The following OR13G1 variants were observed in gnomAD, a reference collection of about 807,000 sequenced individuals.
OR13G1 encodes olfactory receptor family 13 subfamily G member 1, also known as olfactory receptor 13G1.
For missense variants in OR13G1, 369 were observed against 385.7 expected, an observed-to-expected ratio of 0.96 and a Z score of 0.36; for synonymous variants, 128 against 136.2, an observed-to-expected ratio of 0.94 and a Z score of 0.42.
rs140070115 is a variant in OR13G1, at chr1:247,672,613, G to A, written c.429C>T (p.Ser143=). 1.9e-4 allele frequency: 301 copies of A among 1,613,926 alleles called. No individual in the cohort carries two copies. The highest frequency in any genetic ancestry group is 2.4e-4 in the Non-Finnish European group (284 of 1,179,964). Residue 143 remains serine, a synonymous_variant, in exon 2 of 2, where the codon AGC becomes AGT. Transcript: ENST00000642119. ...MNHHMCVALL[S]MVMAIAVTNS... ...TGGTGACTGCAATAGCCATGACCAT[G>A]CTGAGCAAGGCTACACACATATGGT...
In OR13G1 at chr1:247,679,641, G is replaced by A. The variant is rs1171731844; in HGVS notation, c.-240C>T. On this transcript the variant is annotated splice_region_variant and 5_prime_UTR_variant, in exon 1 of 2. Transcript: ENST00000642119. ...GACAGTCTGCCCACAAATACTCACT[G>A]TAGTTTTTTGCAGAGTATTGTCATG... 2 of 152,104 alleles carry A rather than the reference G, an allele frequency of 1.3e-5. No homozygotes were observed. Among genetic ancestry groups the A allele is most frequent in the African/African-American group, 4.8e-5 (2 of 41,414 alleles). The allele number at this position is 152,104 out of a possible 1,614,324, so 9.4% of individuals were successfully genotyped here.
At position 247,671,782 on chromosome 1, in the gene OR13G1, T is replaced by A; in HGVS notation, c.*336A>T. The stretch of plus-strand genomic sequence containing the variant: ...TAAATGGCACAAAATACACAAAATG[T>A]TTTGTGATATTTGCATGTATGATGT... On this transcript the variant is annotated 3_prime_UTR_variant, in exon 2 of 2. Transcript: ENST00000642119. 4.5e-6 allele frequency: 1 copy of A among 223,348 alleles called. No homozygotes were observed. 13.8% of individuals were successfully genotyped at this position (223,348 alleles called of 1,614,324 possible).
rs1659193295 is a variant in OR13G1, at chr1:247,671,138, G to A, written c.*980C>T. ...CTATGTTACATCCAAATTTTTTCAGGGGTGCCAAGTGCCTAATTTTAGAAT... is the reference window on the plus strand; with the variant it reads ...CTATGTTACATCCAAATTTTTTCAGAGGTGCCAAGTGCCTAATTTTAGAAT... On this transcript the variant is annotated 3_prime_UTR_variant, in exon 2 of 2. Coordinates refer to ENST00000642119, the MANE Select transcript of OR13G1 (RefSeq NM_001005487.2). 6.6e-6 allele frequency: 1 copy of A among 152,012 alleles called. No individual in the cohort carries two copies. The highest frequency in any genetic ancestry group is 2.4e-5 in the African/African-American group (1 of 41,380). The allele number at this position is 152,012 out of a possible 1,614,324, so 9.4% of individuals were successfully genotyped here.
chr1:247,672,186 C>T lies in OR13G1; in HGVS notation c.856G>A (p.Val286Met). ...ATCTCCCTATTCTGGAAGCTGTACA[C>T]CATCGGGTTTAATGTGGGAGTCACA... ...TLVTPTLNPM[V>M]YSFQNREMQA... The change falls in exon 2 of 2, where the codon GTG becomes ATG. Residue 286 changes from valine (V) to methionine (M), a missense_variant. Coordinates refer to ENST00000642119, the MANE Select transcript of OR13G1 (RefSeq NM_001005487.2). 1.2e-6 allele frequency: 2 copies of T among 1,614,076 alleles called. No homozygotes were observed. Among genetic ancestry groups the T allele is most frequent in the Non-Finnish European group, 1.7e-6 (2 of 1,179,990 alleles).
intron 1 of OR13G1, among the ~76,000 whole-genome samples, chr1:247,674,102 G>C (rs1659272250): frequency 6.6e-6 from 1 of 152,130 alleles, no homozygotes; most frequent in African/African-American, 2.4e-5. Flanking sequence ...TCAAACTCCT[G>C]ACCTCAAGAG....
In OR13G1 at chr1:247,671,454, A is replaced by ACTGC. The variant is rs1220751231; in HGVS notation, c.*660_*663dup. 3 of 152,518 alleles carry ACTGC rather than the reference A, an allele frequency of 2.0e-5. No homozygotes were observed. Among genetic ancestry groups the ACTGC allele is most frequent in the African/African-American group, 4.8e-5 (2 of 41,426 alleles). The allele number at this position is 152,518 out of a possible 1,614,324, so 9.4% of individuals were successfully genotyped here. ...CATTGAACCGCCATACACACTATTG[A>ACTGC]CTGCCTGCCTAATGTCAGACTAATG... On this transcript the variant is annotated 3_prime_UTR_variant, in exon 2 of 2. Coordinates refer to ENST00000642119, the MANE Select transcript of OR13G1 (RefSeq NM_001005487.2).
At chr1:247,675,829 T>TATCCAGAAGAAGAGGGCCTGCCTGC (rs1659335119) in intron 1 of OR13G1, among the ~76,000 whole-genome samples, 1 of 152,170 alleles carries the variant, frequency 6.6e-6, no homozygotes, top group Admixed American at 6.5e-5. Flanking sequence ...AAAGCCACAG[T>TATCCAGAAGAAGAGGGCCTGCCTGC]ATCCAGAAGA....
Position 247,672,713 on chromosome 1 carries a change from A to C in OR13G1, c.329T>G (p.Val110Gly). The C allele has an allele frequency of 6.2e-7, 1 of 1,613,992 alleles. No individual in the cohort carries two copies. The highest frequency in any genetic ancestry group is 8.5e-7 in the Non-Finnish European group (1 of 1,179,940). ...GTCATAGGCCATGGTGGTGAAGAGA[A>C]CCATCTCAGCTCCCAGAGACCATGT... ...LFTWSLGAEM[V>G]LFTTMAYDRY... Residue 110 changes from valine to glycine, a missense_variant, in exon 2 of 2, where the codon GTT (valine) becomes GGT (glycine). Val to Gly is a moderately radical substitution (Grantham distance 109, BLOSUM62 -3). Coordinates refer to ENST00000642119, the MANE Select transcript of OR13G1 (RefSeq NM_001005487.2).
intron 1 of OR13G1, among the ~76,000 whole-genome samples, chr1:247,679,408 T>C (rs1659419508): frequency 6.6e-6 from 1 of 152,072 alleles, no homozygotes; most frequent in Non-Finnish European, 1.5e-5. Flanking sequence ...GCAATATAAA[T>C]ACTTGCATCA....
Position 247,673,174 on chromosome 1 carries a change from T to G in OR13G1, c.-133A>C. 3 of 671,342 alleles carry G rather than the reference T, an allele frequency of 4.5e-6. No individual in the cohort carries two copies. Among genetic ancestry groups the G allele is most frequent in the Non-Finnish European group, 5.0e-6 (2 of 398,236 alleles). The allele number at this position is 671,342 out of a possible 1,614,324, so 41.6% of individuals were successfully genotyped here. A position where few individuals can be genotyped will look rare whatever the true frequency, so the allele number is the denominator to read the frequency against. On this transcript the variant is annotated 5_prime_UTR_variant, in exon 2 of 2. Coordinates refer to ENST00000642119, the MANE Select transcript of OR13G1 (RefSeq NM_001005487.2). ...CTTAATTCTTGATTGGACACAACTT[T>G]GCAGCAGGAATTCCCATTTGATGGA...
chr1:247,672,265 A>G lies in OR13G1; in HGVS notation c.777T>C (p.Pro259=). The G allele has an allele frequency of 1.2e-6, 2 of 1,614,150 alleles. No homozygotes were observed. Among genetic ancestry groups the G allele is most frequent in the South Asian group, 1.1e-5 (1 of 91,080 alleles). Residue 259 remains proline (P), a synonymous_variant, in exon 2 of 2, where the codon CCT becomes CCC. Coordinates refer to ENST00000642119, the MANE Select transcript of OR13G1 (RefSeq NM_001005487.2). ...YSPVIYTYIR[P]ASSYTFERDK... is the part of the protein sequence containing the mutation. ...CTCTTTCAAATGTATAGCTGGAAGCAGGGCGGATATAGGTGTAGATTACAG... is the reference window on the plus strand; with the variant it reads ...CTCTTTCAAATGTATAGCTGGAAGCGGGGCGGATATAGGTGTAGATTACAG...
In OR13G1 at chr1:247,672,088, G is replaced by C. The variant is rs760427318; in HGVS notation, c.*30C>G. On this transcript the variant is annotated 3_prime_UTR_variant, in exon 2 of 2. Coordinates refer to ENST00000642119, the MANE Select transcript of OR13G1 (RefSeq NM_001005487.2). ...AGATGCTCTAGAAGATGGTTCTGGAGTACAGAAGTGATGTTGCATGTTGAA... is the reference window on the plus strand; with the variant it reads ...AGATGCTCTAGAAGATGGTTCTGGACTACAGAAGTGATGTTGCATGTTGAA... The C allele has an allele frequency of 6.4e-7, 1 of 1,560,860 alleles. No homozygotes were observed. The highest frequency in any genetic ancestry group is 1.7e-5 in the Admixed American group (1 of 58,558).
chr1:247,675,026 G>T (rs1659315124), intron 1 of OR13G1, among the ~76,000 whole-genome samples: 1 of 152,132 alleles, frequency 6.6e-6, no homozygotes, highest in African/African-American at 2.4e-5. Context: ...GATCTGAACT[G>T]AAGTGATATT....
chr1:247,672,143 T>A lies in OR13G1; in HGVS notation c.899A>T (p.Lys300Met). 6.2e-7 allele frequency: 1 copy of A among 1,613,728 alleles called. No homozygotes were observed. The highest frequency in any genetic ancestry group is 8.5e-7 in the Non-Finnish European group (1 of 1,179,814). The change falls in exon 2 of 2, where the codon AAG becomes ATG. Residue 300 changes from lysine to methionine, a missense_variant. Physicochemically the swap from Lys to Met is moderately conservative, Grantham distance 95. Coordinates refer to ENST00000642119, the MANE Select transcript of OR13G1 (RefSeq NM_001005487.2). ...CTAGTGTTTCAGAAATGCAAACACC[T>A]TCCTAATTCCTGCCTGCATCTCCCT... ...QNREMQAGIR[K>M]VFAFLKH
In OR13G1 at chr1:247,672,659, T is replaced by A; in HGVS notation, c.383A>T (p.His128Leu). 1 of 1,613,950 alleles carries A rather than the reference T, an allele frequency of 6.2e-7. No individual in the cohort carries two copies. Among genetic ancestry groups the A allele is most frequent in the Non-Finnish European group, 8.5e-7 (1 of 1,179,962 alleles). Reference sequence around the variant, plus strand: ...ATGGTGGTTCATAATAGTACTGTAATGAAGAGGGAAACAAATGGCCACATA... The same window carrying A: ...ATGGTGGTTCATAATAGTACTGTAAAGAAGAGGGAAACAAATGGCCACATA... ...DRYVAICFPL[H>L]YSTIMNHHMC... The change falls in exon 2 of 2, where the codon CAT (histidine) becomes CTT (leucine). Residue 128 changes from histidine (H) to leucine (L), a missense_variant. By Grantham distance (99) the His-to-Leu change is moderately conservative. Transcript: ENST00000642119.
At chr1:247,676,764 A>T (rs1174772250) in intron 1 of OR13G1, among the ~76,000 whole-genome samples, 1 of 152,170 alleles carries the variant, frequency 6.6e-6, no homozygotes, top group East Asian at 1.9e-4. Context: ...AGCACCCGTG[A>T]TTTTTATTGC....
At position 247,672,153 on chromosome 1, in the gene OR13G1, C is replaced by G. The variant is rs753675664; in HGVS notation, c.889G>C (p.Gly297Arg). ...AGAAATGCAAACACCTTCCTAATTC[C>G]TGCCTGCATCTCCCTATTCTGGAAG... ...YSFQNREMQAGIRKVFAFLKH is the reference protein window; with the variant it reads ...YSFQNREMQARIRKVFAFLKH Residue 297 changes from glycine (G) to arginine (R), a missense_variant, in exon 2 of 2, where the codon GGA (glycine) becomes CGA (arginine). Transcript: ENST00000642119. The G allele has an allele frequency of 6.2e-7, 1 of 1,613,704 alleles. No individual in the cohort carries two copies. Among genetic ancestry groups the G allele is most frequent in the African/African-American group, 1.3e-5 (1 of 74,890 alleles).
intron 1 of OR13G1, among the ~76,000 whole-genome samples, chr1:247,675,889 A>T (rs1431242519): frequency 2.0e-5 from 3 of 152,106 alleles, no homozygotes; most frequent in African/African-American, 7.2e-5. Flanking sequence ...AGAAATAGAA[A>T]GTCTATTTCT....
chr1:247,673,132 G>A lies in OR13G1; in HGVS notation c.-91C>T, dbSNP rs1454497368. 5.1e-6 allele frequency: 5 copies of A among 984,896 alleles called. No individual in the cohort carries two copies. In the East Asian group the frequency reaches 9.7e-5, roughly 19 times the overall value. 61.0% of individuals were successfully genotyped at this position (984,896 alleles called of 1,614,324 possible). A position where few individuals can be genotyped will look rare whatever the true frequency, so the allele number is the denominator to read the frequency against. ...GTGTTGTTAGGAGATAACATGAGGAGTGTGTGTACTTAGGGACTTAATTCT... is the reference window on the plus strand; with the variant it reads ...GTGTTGTTAGGAGATAACATGAGGAATGTGTGTACTTAGGGACTTAATTCT... On this transcript the variant is annotated 5_prime_UTR_variant, in exon 2 of 2. Transcript: ENST00000642119.
Sources: gnomAD v4.1 joint callset for allele counts (sites outside exome capture counted in the v4.1 genomes callset) on GRCh38, gnomAD v4.1.1 for gene constraint, MANE v1.5 for transcripts, NCBI Gene and HGNC (gene_info 2026-07-23, HGNC 2026-07-21) for gene names.